GALNTL6: variants seen among roughly 807,000 people sequenced by gnomAD.
The protein encoded by GALNTL6 is polypeptide N-acetylgalactosaminyltransferase like 6, also known as polypeptide N-acetylgalactosaminyltransferase-like 6.
Under a neutral mutation model 73.7 loss-of-function variants are expected in GALNTL6, and 46 were observed. The observed-to-expected ratio is 0.62, with a 90% CI of 0.49 to 0.80. GALNTL6 has a LOEUF of 0.80. GALNTL6 is among the 30% of genes least tolerant of loss of function. The probability of loss-of-function intolerance (pLI) is 0.00; values close to 1 mark genes in which losing one functional copy is unlikely to be tolerated. For missense variants in GALNTL6, 604 were observed against 755.0 expected (o/e 0.80, Z 2.34); for synonymous variants, 259 against 263.7 (o/e 0.98, Z 0.17).
chr4:172,958,602 G>A (rs986666612), intron 10 of GALNTL6, among the ~76,000 whole-genome samples: 37 of 152,188 alleles, frequency 2.4e-4, no homozygotes, highest in Admixed American at 2.0e-4. Flanking sequence ...AGAAGGTGTT[G>A]GGGTTTGAGA....
At chr4:172,575,465 C>A (rs1013999798) in intron 5 of GALNTL6, among the ~76,000 whole-genome samples, 1 of 152,088 alleles carries the variant, frequency 6.6e-6, no homozygotes, top group Non-Finnish European at 1.5e-5. Context: ...TAGAAGGGAA[C>A]CCAGGTCAGA....
intron 5 of GALNTL6, among the ~76,000 whole-genome samples, chr4:172,603,133 T>G (rs1225550340): frequency 6.6e-6 from 1 of 152,204 alleles, no homozygotes; most frequent in Non-Finnish European, 1.5e-5. Flanking sequence ...TTTTCTAGAA[T>G]GATGGAAATG....
chr4:172,247,384 T>C (rs950502862), intron 3 of GALNTL6, among the ~76,000 whole-genome samples: 3 of 152,146 alleles, frequency 2.0e-5, no homozygotes, highest in African/African-American at 7.2e-5. Flanking sequence ...AGAATGCCTC[T>C]CTCCTCTACC....
chr4:172,654,343 G>A (rs1176016822), intron 5 of GALNTL6, among the ~76,000 whole-genome samples: 1 of 152,060 alleles, frequency 6.6e-6, no homozygotes, highest in African/African-American at 2.4e-5. Flanking sequence ...TTTTCTTGCA[G>A]AAAACAAAGA....
chr4:172,581,569 T>A (rs1737192226), intron 5 of GALNTL6, among the ~76,000 whole-genome samples: 1 of 152,214 alleles, frequency 6.6e-6, no homozygotes, highest in Non-Finnish European at 1.5e-5. Context: ...TCTGTCCCAA[T>A]ATGCTTCTCT....
chr4:172,638,046 T>G (rs777668620), intron 5 of GALNTL6, among the ~76,000 whole-genome samples: 2 of 152,186 alleles, frequency 1.3e-5, no homozygotes, highest in African/African-American at 2.4e-5. Flanking sequence ...TTAATATAAC[T>G]GGCTTTCCTT....
At chr4:172,347,020 C>T (rs1741770488) in intron 4 of GALNTL6, among the ~76,000 whole-genome samples, 1 of 130,014 alleles carries the variant, frequency 7.7e-6, no homozygotes, top group Non-Finnish European at 1.6e-5. Flanking sequence ...GACAGTCTCA[C>T]TCTGTCACCC....
chr4:172,655,571 T>C (rs917397044), intron 5 of GALNTL6, among the ~76,000 whole-genome samples: 2 of 152,118 alleles, frequency 1.3e-5, no homozygotes, highest in Admixed American at 6.5e-5. Flanking sequence ...AAGGGCAGAG[T>C]TGACACTACA....
intron 4 of GALNTL6, among the ~76,000 whole-genome samples, chr4:172,314,600 C>G (rs376577139): frequency 1.4e-5 from 1 of 70,674 alleles, no homozygotes; most frequent in Non-Finnish European, 2.4e-5. Context: ...AATGCGTAGG[C>G]TTTTTTTTTT....
At chr4:172,682,555 A>C (rs2111234537) in intron 5 of GALNTL6, among the ~76,000 whole-genome samples, 1 of 152,326 alleles carries the variant, frequency 6.6e-6, no homozygotes, top group South Asian at 2.1e-4. Flanking sequence ...TTTCAGATAA[A>C]AAACAAATAG....
intron 12 of GALNTL6, among the ~76,000 whole-genome samples, chr4:173,037,039 G>A (rs145634835): frequency 3.3e-4 from 50 of 152,338 alleles, no homozygotes; most frequent in Admixed American, 1.2e-3. Context: ...GAAACGTAAA[G>A]ATGGCAATGA....
intron 5 of GALNTL6, among the ~76,000 whole-genome samples, chr4:172,807,795 A>T (rs550777693): frequency 6.6e-6 from 1 of 152,264 alleles, no homozygotes; most frequent in African/African-American, 2.4e-5. Flanking sequence ...CTCTCGTGGA[A>T]AATCCCATCT....
chr4:172,749,446 A>G (rs1162221782), intron 5 of GALNTL6, among the ~76,000 whole-genome samples: 4 of 151,998 alleles, frequency 2.6e-5, no homozygotes, highest in African/African-American at 9.7e-5. Flanking sequence ...TCCTCTCTCC[A>G]TTTATGTGTG....
intron 6 of GALNTL6, among the ~76,000 whole-genome samples, chr4:172,813,132 G>T (rs1174569686): frequency 6.6e-6 from 1 of 152,080 alleles, no homozygotes; most frequent in Non-Finnish European, 1.5e-5. Context: ...TTTACTTTTT[G>T]GAACCTCCAG....
intron 5 of GALNTL6, among the ~76,000 whole-genome samples, chr4:172,531,062 A>G (rs1735151988): frequency 6.6e-6 from 1 of 151,658 alleles, no homozygotes; most frequent in African/African-American, 2.4e-5. Flanking sequence ...TATTTAGATC[A>G]CACCAATTAC....
At chr4:172,739,827 A>T (rs1736698178) in intron 5 of GALNTL6, among the ~76,000 whole-genome samples, 2 of 152,092 alleles carry the variant, frequency 1.3e-5, no homozygotes. Flanking sequence ...GCTGAAAAAA[A>T]GAAATGCTTG....
intron 5 of GALNTL6, among the ~76,000 whole-genome samples, chr4:172,795,170 A>G (rs1474341950): frequency 2.0e-5 from 3 of 152,188 alleles, no homozygotes; most frequent in Non-Finnish European, 4.4e-5. Context: ...CAACACTTTT[A>G]TCTGAAGATG....
intron 5 of GALNTL6, among the ~76,000 whole-genome samples, chr4:172,442,155 T>G (rs1731859029): frequency 6.6e-6 from 1 of 152,212 alleles, no homozygotes; most frequent in Non-Finnish European, 1.5e-5. Flanking sequence ...CCTAACCTTG[T>G]ATTTCCCCTT....
chr4:173,027,104 C>T (rs1753264151), intron 12 of GALNTL6, among the ~76,000 whole-genome samples: 1 of 152,166 alleles, frequency 6.6e-6, no homozygotes, highest in Non-Finnish European at 1.5e-5. Context: ...ACTCCTTCCT[C>T]AGCCTCCCCA....
Sources: gnomAD v4.1 joint callset for allele counts (sites outside exome capture counted in the v4.1 genomes callset) on GRCh38, gnomAD v4.1.1 for gene constraint, MANE v1.5 for transcripts, NCBI Gene and HGNC (gene_info 2026-07-23, HGNC 2026-07-21) for gene names.